XPR1: variants seen among roughly 807,000 people sequenced by gnomAD.
XPR1 encodes the protein solute carrier family 53 member 1.
A neutral mutation model predicts 87.5 loss-of-function variants in XPR1; 28 were observed. The ratio of observed to expected loss-of-function variants is 0.32; its 90% confidence interval spans 0.24 to 0.44. The LOEUF (loss-of-function observed/expected upper bound fraction) is 0.44. Ranked by LOEUF, XPR1 falls within the 20% of genes least tolerant of loss-of-function variation. The probability of loss-of-function intolerance (pLI) is 1.00; values close to 1 mark genes in which losing one functional copy is unlikely to be tolerated. For synonymous variants in XPR1, 300 were observed against 306.1 expected (o/e 0.98, Z 0.21); for missense variants, 559 against 862.3 (o/e 0.65, Z 4.41).
intron 2 of XPR1, among the ~76,000 whole-genome samples, chr1:180,766,339 A>G (rs982682430): frequency 6.6e-6 from 1 of 152,174 alleles, no homozygotes; most frequent in Admixed American, 6.5e-5. Flanking sequence ...GGTAAATCAC[A>G]TTACTTTTCT....
intron 2 of XPR1, among the ~76,000 whole-genome samples, chr1:180,697,462 T>C (rs1657207910): frequency 6.6e-6 from 1 of 152,108 alleles, no homozygotes; most frequent in Non-Finnish European, 1.5e-5. Context: ...TTATTTCTGC[T>C]CTGATCTTTA....
At chr1:180,656,678 AT>A (rs1180301710) in intron 1 of XPR1, among the ~76,000 whole-genome samples, 2 of 127,528 alleles carry the variant, frequency 1.6e-5, no homozygotes, top group African/African-American at 5.8e-5. Flanking sequence ...ATTATATATA[AT>A]TATATAATAT....
chr1:180,744,354 C>T (rs933748499), intron 2 of XPR1, among the ~76,000 whole-genome samples: 24 of 151,808 alleles, frequency 1.6e-4, no homozygotes, highest in African/African-American at 5.8e-4. Context: ...TTTTATTCTT[C>T]TTTTGATCGT....
chr1:180,857,514 C>T (rs904943038), intron 11 of XPR1, among the ~76,000 whole-genome samples: 4 of 152,088 alleles, frequency 2.6e-5, no homozygotes, highest in African/African-American at 4.8e-5. Context: ...ATGGTTCTCT[C>T]TGCCCCATAA....
chr1:180,710,905 CCGGGCGG>C (rs1657752846), intron 2 of XPR1, among the ~76,000 whole-genome samples: 1 of 151,182 alleles, frequency 6.6e-6, no homozygotes, highest in Non-Finnish European at 1.5e-5. Flanking sequence ...GGGGCGGCTG[CCGGGCGG>C]AGACGCTCCT....
At chr1:180,642,005 C>T (rs1381860495) in intron 1 of XPR1, among the ~76,000 whole-genome samples, 2 of 152,042 alleles carry the variant, frequency 1.3e-5, no homozygotes, top group Non-Finnish European at 2.9e-5. Context: ...GTATCTAATC[C>T]ATTAGATTCC....
chr1:180,787,881 T>A (rs1439007978), intron 3 of XPR1, 27 bp downstream of exon 3: 1 of 1,474,932 alleles, frequency 6.8e-7, no homozygotes, highest in African/African-American at 1.4e-5. Flanking sequence ...CTTTTTTTTT[T>A]GCTGCCGGGG....
intron 9 of XPR1, among the ~76,000 whole-genome samples, chr1:180,833,217 A>G (rs1444490652): frequency 6.6e-6 from 1 of 152,256 alleles, no homozygotes; most frequent in African/African-American, 2.4e-5. Context: ...AGCCACTGCA[A>G]AAACATACCA....
chr1:180,812,649 CTTT>C (rs955473305), intron 7 of XPR1, among the ~76,000 whole-genome samples: 16 of 134,272 alleles, frequency 1.2e-4, no homozygotes, highest in Admixed American at 4.5e-4. Flanking sequence ...GCAGCCATTT[CTTT>C]TTTTTTTTTT....
chr1:180,751,998 A>T (rs573432235), intron 2 of XPR1, among the ~76,000 whole-genome samples: 1 of 152,164 alleles, frequency 6.6e-6, no homozygotes, highest in African/African-American at 2.4e-5. Context: ...GGAAACTTAT[A>T]ATACAAAAAA....
chr1:180,863,590 T>A, intron 11 of XPR1, 118 bp from the exon 12 acceptor site: 1 of 888,036 alleles, frequency 1.1e-6, no homozygotes, highest in Non-Finnish European at 1.6e-6. Context: ...ACGATCTGTT[T>A]AAAGCTTTGC....
At chr1:180,814,738 A>T (rs1254966669) in intron 7 of XPR1, among the ~76,000 whole-genome samples, 1 of 152,220 alleles carries the variant, frequency 6.6e-6, no homozygotes, top group Non-Finnish European at 1.5e-5. Flanking sequence ...AGAAGGTGTT[A>T]AATTTTCTAA....
chr1:180,864,368 A>G (rs1652317168), intron 12 of XPR1, among the ~76,000 whole-genome samples: 1 of 152,092 alleles, frequency 6.6e-6, no homozygotes, highest in Non-Finnish European at 1.5e-5. Context: ...TATATAAACT[A>G]CCATTATAGC....
intron 2 of XPR1, among the ~76,000 whole-genome samples, chr1:180,763,268 C>T (rs746368734): frequency 5.3e-5 from 8 of 152,176 alleles, no homozygotes; most frequent in Non-Finnish European, 1.0e-4. Context: ...ATGAAGGATG[C>T]TGTGTATGCT....
intron 2 of XPR1, among the ~76,000 whole-genome samples, chr1:180,734,608 G>T (rs968306749): frequency 2.0e-5 from 3 of 152,114 alleles, no homozygotes; most frequent in Admixed American, 1.3e-4. Flanking sequence ...GACTGGGAGG[G>T]GCCATTTCTG....
intron 1 of XPR1, among the ~76,000 whole-genome samples, chr1:180,644,108 G>A (rs146102194): frequency 7.9e-5 from 12 of 152,254 alleles, no homozygotes; most frequent in Middle Eastern, 3.4e-3. Context: ...AATTTACAAC[G>A]AGAAATGTAC....
intron 2 of XPR1, among the ~76,000 whole-genome samples, chr1:180,768,880 G>C (rs1648391310): frequency 6.6e-6 from 1 of 152,142 alleles, no homozygotes; most frequent in Non-Finnish European, 1.5e-5. Context: ...ACTGAAGTTG[G>C]ATGACAAAGT....
intron 13 of XPR1, 141 bp from the exon 14 acceptor site, chr1:180,879,935 A>C: frequency 2.4e-5 from 20 of 818,590 alleles, no homozygotes; most frequent in African/African-American, 6.9e-5. Flanking sequence ...CCGCAACACC[A>C]TCTTTCCCTA....
At chr1:180,651,016 A>G (rs1655276161) in intron 1 of XPR1, among the ~76,000 whole-genome samples, 1 of 152,164 alleles carries the variant, frequency 6.6e-6, no homozygotes, top group Non-Finnish European at 1.5e-5. Flanking sequence ...AGGTATTAGT[A>G]CGCAGTCTTT....
Sources: allele counts gnomAD v4.1 joint callset (sites outside exome capture counted in the v4.1 genomes callset), GRCh38; gene constraint gnomAD v4.1.1; transcripts MANE v1.5; gene names NCBI Gene and HGNC (gene_info 2026-07-23, HGNC 2026-07-21).